The following MACROD2 variants were observed in gnomAD, a reference collection of about 807,000 sequenced individuals.
MACROD2 encodes the protein mono-ADP ribosylhydrolase 2.
MACROD2 carries 36 observed loss-of-function variants against 70.4 expected under a neutral mutation model. The ratio of observed to expected loss-of-function variants is 0.51; its 90% CI spans 0.39 to 0.68. The LOEUF is 0.68. Ranked by LOEUF, MACROD2 falls within the 30% of genes least tolerant of loss-of-function variation. The pLI, the probability that MACROD2 is intolerant of heterozygous loss-of-function variation, is 0.00. For synonymous variants in MACROD2, 172 were observed against 178.8 expected, an observed-to-expected ratio of 0.96 and a Z score of 0.30; for missense variants, 496 against 538.4, an observed-to-expected ratio of 0.92 and a Z score of 0.78.
chr20:14,516,902 G>C (rs1235858129), intron 4 of MACROD2, among the ~76,000 whole-genome samples: 2 of 152,172 alleles, frequency 1.3e-5, no homozygotes, highest in African/African-American at 4.8e-5. Context: ...CTTCTCAAAA[G>C]AAGACGTTTA....
intron 5 of MACROD2, among the ~76,000 whole-genome samples, chr20:15,227,987 A>T (rs1383239063): frequency 1.3e-5 from 2 of 152,162 alleles, no homozygotes; most frequent in East Asian, 3.9e-4. Context: ...ATAGTTGGGT[A>T]TAAATAACAA....
At chr20:14,970,078 C>T (rs532560032) in intron 5 of MACROD2, among the ~76,000 whole-genome samples, 1 of 152,152 alleles carries the variant, frequency 6.6e-6, no homozygotes, top group Non-Finnish European at 1.5e-5. Flanking sequence ...AATTAACTCA[C>T]AGTTCCACAT....
intron 15 of MACROD2, among the ~76,000 whole-genome samples, chr20:16,012,621 A>G (rs1006876403): frequency 1.3e-5 from 2 of 152,218 alleles, no homozygotes; most frequent in African/African-American, 4.8e-5. Flanking sequence ...AGTGTAGAAG[A>G]ATGAAGCCGA....
At chr20:15,208,485 A>G (rs527241070) in intron 5 of MACROD2, among the ~76,000 whole-genome samples, 15 of 152,280 alleles carry the variant, frequency 9.9e-5, no homozygotes, top group African/African-American at 3.6e-4. Flanking sequence ...GTGATTTTAT[A>G]TAATACCCTG....
chr20:15,714,250 C>A (rs2050675299), intron 8 of MACROD2, among the ~76,000 whole-genome samples: 1 of 152,206 alleles, frequency 6.6e-6, no homozygotes, highest in African/African-American at 2.4e-5. Flanking sequence ...TGTAAGGTTT[C>A]TCTTCCCCTG....
At position 14,883,904 on chromosome 20, in the gene MACROD2, G is replaced by C. The variant is rs538771498; in HGVS notation, c.418+198945G>C. Among the ~76,000 whole-genome samples the C allele has an allele frequency of 3.9e-4, 59 of 151,966 alleles. 1 individual carries two copies. The highest frequency in any genetic ancestry group is 7.2e-4 in the Non-Finnish European group (49 of 67,946). On this transcript the variant is annotated intron_variant, in intron 5 of 17. Transcript: ENST00000684519. The stretch of plus-strand genomic sequence containing the variant: ...TGGAATCTGATAAAATATTTTTTAA[G>C]CAAGCTTCTGGTTTTGTTATATTAA...
At chr20:15,692,583 C>A (rs1027856675) in intron 8 of MACROD2, among the ~76,000 whole-genome samples, 1 of 152,122 alleles carries the variant, frequency 6.6e-6, no homozygotes, top group Non-Finnish European at 1.5e-5. Context: ...TTCCCTTTAT[C>A]TTCAGAGCCC....
At chr20:15,771,255 G>A (rs1171888682) in intron 8 of MACROD2, among the ~76,000 whole-genome samples, 4 of 151,980 alleles carry the variant, frequency 2.6e-5, no homozygotes, top group Admixed American at 2.0e-4. Context: ...GCTCACTGTA[G>A]CCTTTACTTC....
chr20:15,219,644 C>T (rs769645405), intron 5 of MACROD2, among the ~76,000 whole-genome samples: 3 of 152,060 alleles, frequency 2.0e-5, no homozygotes, highest in Non-Finnish European at 4.4e-5. Flanking sequence ...GATGTAGGGC[C>T]TGGAGTGAAG....
intron 5 of MACROD2, among the ~76,000 whole-genome samples, chr20:15,187,753 C>A (rs2076543279): frequency 6.6e-6 from 1 of 152,142 alleles, no homozygotes. Flanking sequence ...AATTACATTT[C>A]TCCTTTAAGG....
At chr20:14,725,762 G>T (rs1355009345) in intron 5 of MACROD2, among the ~76,000 whole-genome samples, 1 of 152,130 alleles carries the variant, frequency 6.6e-6, no homozygotes, top group African/African-American at 2.4e-5. Flanking sequence ...CAGAGGGTGA[G>T]GACATAGATG....
At chr20:14,118,163 T>C (rs1413399748) in intron 3 of MACROD2, among the ~76,000 whole-genome samples, 2 of 152,228 alleles carry the variant, frequency 1.3e-5, no homozygotes, top group Non-Finnish European at 2.9e-5. Context: ...CCATTTGTGG[T>C]ATTTGCTACA....
chr20:15,709,053 G>T (rs927332310), intron 8 of MACROD2, among the ~76,000 whole-genome samples: 13 of 152,084 alleles, frequency 8.5e-5, no homozygotes, highest in African/African-American at 2.9e-4. Flanking sequence ...ATTGAATAAT[G>T]CCAGGAGTTT....
At chr20:14,273,406 A>G (rs1245300020) in intron 3 of MACROD2, among the ~76,000 whole-genome samples, 4 of 150,608 alleles carry the variant, frequency 2.7e-5, no homozygotes, top group Non-Finnish European at 5.9e-5. Context: ...TGGGTACATA[A>G]CGAAATGAAG....
chr20:14,215,287 T>C (rs530968470), intron 3 of MACROD2, among the ~76,000 whole-genome samples: 20 of 151,086 alleles, frequency 1.3e-4, no homozygotes, highest in African/African-American at 4.6e-4. Context: ...CTATCATATA[T>C]GTTCCATCAT....
chr20:15,422,537 A>C (rs1163934644), intron 6 of MACROD2, among the ~76,000 whole-genome samples: 1 of 152,146 alleles, frequency 6.6e-6, no homozygotes, highest in African/African-American at 2.4e-5. Flanking sequence ...GAAAGTGGGC[A>C]ATCTGTTTTT....
intron 2 of MACROD2, among the ~76,000 whole-genome samples, chr20:14,074,376 C>T (rs1175447836): frequency 2.0e-5 from 3 of 152,156 alleles, no homozygotes; most frequent in Non-Finnish European, 2.9e-5. Flanking sequence ...ATCCAGGACT[C>T]AGCTGTATAC....
chr20:14,978,189 A>G (rs1600900280), intron 5 of MACROD2, among the ~76,000 whole-genome samples: 1 of 152,144 alleles, frequency 6.6e-6, no homozygotes, highest in Non-Finnish European at 1.5e-5. Flanking sequence ...AAGCTAATTT[A>G]CCTGCCAGCA....
At chr20:14,913,730 T>A (rs1206325256) in intron 5 of MACROD2, among the ~76,000 whole-genome samples, 2 of 152,170 alleles carry the variant, frequency 1.3e-5, no homozygotes, top group African/African-American at 4.8e-5. Flanking sequence ...CATATAAGAC[T>A]ATCCCTCAGT....
Sources: allele counts gnomAD v4.1 joint callset (sites outside exome capture counted in the v4.1 genomes callset), GRCh38; gene constraint gnomAD v4.1.1; transcripts MANE v1.5; gene names NCBI Gene and HGNC (gene_info 2026-07-23, HGNC 2026-07-21).